ADCY1: variants seen among roughly 807,000 people sequenced by gnomAD.
ADCY1 encodes the protein adenylate cyclase 1, also known as adenylate cyclase type 1.
In ADCY1, 28 loss-of-function variants were observed where a neutral mutation model predicts 105.4. That is an observed-to-expected ratio of 0.27 (90% CI 0.20 to 0.36). ADCY1 has a LOEUF of 0.36. ADCY1 is among the 10% of genes least tolerant of loss of function. ADCY1 has a pLI of 1.00. For missense variants in ADCY1, 977 were observed against 1,434.2 expected (o/e 0.68, Z 5.15); for synonymous variants, 655 against 623.8 (o/e 1.05, Z -0.75).
At chr7:45,624,949 T>A (rs1008097347) in intron 4 of ADCY1, among the ~76,000 whole-genome samples, 1 of 152,226 alleles carries the variant, frequency 6.6e-6, no homozygotes, top group African/African-American at 2.4e-5. Flanking sequence ...AGGACCCACG[T>A]TGGGTCAGCC....
intron 4 of ADCY1, among the ~76,000 whole-genome samples, chr7:45,642,459 C>G (rs1330796001): frequency 1.3e-5 from 2 of 152,126 alleles, no homozygotes; most frequent in African/African-American, 4.8e-5. Context: ...TGGGATTTCC[C>G]TTTTAGTCTT....
At chr7:45,597,266 C>G (rs1793102108) in intron 2 of ADCY1, among the ~76,000 whole-genome samples, 1 of 152,240 alleles carries the variant, frequency 6.6e-6, no homozygotes, top group Admixed American at 6.5e-5. Flanking sequence ...AGTGCCCTTG[C>G]TTCGAGCCTC....
chr7:45,696,076 C>A (rs988671710), intron 14 of ADCY1, among the ~76,000 whole-genome samples: 11 of 152,228 alleles, frequency 7.2e-5, no homozygotes, highest in Non-Finnish European at 1.2e-4. Flanking sequence ...CACCGGACAT[C>A]CCCTAGGACA....
chr7:45,597,671 C>T (rs566898548), intron 2 of ADCY1, among the ~76,000 whole-genome samples: 10 of 152,300 alleles, frequency 6.6e-5, no homozygotes, highest in East Asian at 1.9e-4. Flanking sequence ...CTGCTCCTGC[C>T]GAGGCAGGTG....
chr7:45,632,519 A>T (rs1250767603), intron 4 of ADCY1, among the ~76,000 whole-genome samples: 2 of 122,160 alleles, frequency 1.6e-5, no homozygotes, highest in Non-Finnish European at 3.7e-5. Context: ...GTATAGAAAA[A>T]ATTCTATACA....
intron 4 of ADCY1, among the ~76,000 whole-genome samples, chr7:45,623,308 G>A (rs1466188600): frequency 6.6e-6 from 1 of 152,250 alleles, no homozygotes; most frequent in Non-Finnish European, 1.5e-5. Context: ...TCTGCTGAAT[G>A]TCGGGCCAAG....
intron 8 of ADCY1, 48 bp downstream of exon 8, chr7:45,662,262 T>G: frequency 6.3e-7 from 1 of 1,577,896 alleles, no homozygotes; most frequent in Non-Finnish European, 8.6e-7. Context: ...CAGGGACTGA[T>G]CTCTGTCCTG....
chr7:45,603,752 A>AT (rs1818495020), intron 2 of ADCY1, among the ~76,000 whole-genome samples: 1 of 152,208 alleles, frequency 6.6e-6, no homozygotes, highest in South Asian at 2.1e-4. Context: ...CCTGTTACCC[A>AT]TTTCTTTAAA....
At position 45,575,213 on chromosome 7, in the gene ADCY1, C is replaced by G; in HGVS notation, c.639+31C>G. 1.3e-6 allele frequency: 2 copies of G among 1,543,384 alleles called. No individual in the cohort carries two copies. The highest frequency in any genetic ancestry group is 8.7e-7 in the Non-Finnish European group (1 of 1,148,744). On this transcript the variant is annotated intron_variant, in intron 1 of 19. Coordinates refer to ENST00000297323, the MANE Select transcript of ADCY1 (RefSeq NM_021116.4). The surrounding 1 kb of genome is among the most constrained non-coding windows in gnomAD (Gnocchi z 4.7). Reference sequence around the variant, plus strand: ...TGCAGCCGCGCACCCCTCATCTGGTCTCGGACACACTTGCTGGGACGATGC... The same window carrying G: ...TGCAGCCGCGCACCCCTCATCTGGTGTCGGACACACTTGCTGGGACGATGC...
At chr7:45,666,836 G>A (rs1469663716) in intron 8 of ADCY1, among the ~76,000 whole-genome samples, 1 of 152,176 alleles carries the variant, frequency 6.6e-6, no homozygotes, top group Admixed American at 6.5e-5. Context: ...GGTGTGAGAT[G>A]GTATCTCATT....
chr7:45,616,839 A>G (rs1440468708), intron 3 of ADCY1, among the ~76,000 whole-genome samples: 1 of 152,236 alleles, frequency 6.6e-6, no homozygotes, highest in African/African-American at 2.4e-5. Context: ...AAAGAACAGC[A>G]ACAAAAAAAG....
intron 11 of ADCY1, among the ~76,000 whole-genome samples, chr7:45,683,101 G>C (rs549564542): frequency 8.5e-5 from 13 of 152,216 alleles, no homozygotes; most frequent in Non-Finnish European, 1.3e-4. Flanking sequence ...TAGAATGACT[G>C]GTGTCCACAG....
At chr7:45,584,157 C>G (rs931981171) in intron 1 of ADCY1, among the ~76,000 whole-genome samples, 1 of 151,894 alleles carries the variant, frequency 6.6e-6, no homozygotes, top group Non-Finnish European at 1.5e-5. Flanking sequence ...GTTTCCCAGG[C>G]TGGTCTTGAA....
At chr7:45,621,659 T>A (rs919157313) in intron 3 of ADCY1, among the ~76,000 whole-genome samples, 5 of 152,158 alleles carry the variant, frequency 3.3e-5, no homozygotes, top group African/African-American at 1.2e-4. Context: ...TTCCCTCCTG[T>A]CCCTGCCTGC....
intron 1 of ADCY1, among the ~76,000 whole-genome samples, chr7:45,582,905 T>C (rs1792603662): frequency 6.6e-6 from 1 of 151,334 alleles, no homozygotes; most frequent in Non-Finnish European, 1.5e-5. Context: ...GGCTTTGTGC[T>C]GAAGGCAGCA....
chr7:45,587,633 G>C (rs1188686601), intron 1 of ADCY1, among the ~76,000 whole-genome samples: 2 of 152,144 alleles, frequency 1.3e-5, no homozygotes, highest in Admixed American at 1.3e-4. Context: ...CAAGGACTAT[G>C]GGACGTCTTG....
At chr7:45,641,783 A>G (rs4308622) in intron 4 of ADCY1, among the ~76,000 whole-genome samples, 139,406 of 140,592 alleles carry the variant, frequency 0.99, 69,113 homozygotes, top group East Asian at 1. Context: ...AAAATTAGCC[A>G]GGCGCGGTGG....
chr7:45,608,831 G>A (rs1793451023), intron 2 of ADCY1, among the ~76,000 whole-genome samples: 1 of 152,090 alleles, frequency 6.6e-6, no homozygotes, highest in Non-Finnish European at 1.5e-5. Context: ...GAGGGCTCGG[G>A]TGGGGACTGC....
At chr7:45,663,315 T>C (rs1795181377) in intron 8 of ADCY1, among the ~76,000 whole-genome samples, 1 of 152,218 alleles carries the variant, frequency 6.6e-6, no homozygotes, top group African/African-American at 2.4e-5. Context: ...GTGACCTTGG[T>C]GCAGCTTTGT....
Sources: allele counts gnomAD v4.1 joint callset (sites outside exome capture counted in the v4.1 genomes callset), GRCh38; gene constraint gnomAD v4.1.1; non-coding constraint Gnocchi (gnomAD v3.1); transcripts MANE v1.5; gene names NCBI Gene and HGNC (gene_info 2026-07-23, HGNC 2026-07-21).